The following OLA1 variants were observed in gnomAD, a reference collection of about 807,000 sequenced individuals.
OLA1 encodes obg-like ATPase 1.
A neutral mutation model predicts 48.4 loss-of-function variants in OLA1; 14 were observed. The ratio of observed to expected loss-of-function variants is 0.29; its 90% CI spans 0.19 to 0.45. OLA1 has a LOEUF of 0.45. Ranked by LOEUF, OLA1 falls within the 20% of genes least tolerant of loss-of-function variation. The pLI, the probability that OLA1 is intolerant of heterozygous loss-of-function variation, is 1.00. For missense variants in OLA1, 325 were observed against 467.1 expected (o/e 0.70, Z 2.80); for synonymous variants, 127 against 150.4 (o/e 0.84, Z 1.14).
intron 2 of OLA1, among the ~76,000 whole-genome samples, chr2:174,232,000 T>A (rs1688738690): frequency 6.6e-6 from 1 of 152,132 alleles, no homozygotes; most frequent in Non-Finnish European, 1.5e-5. Context: ...CCCTTGAGGT[T>A]AATATTAAAG....
At chr2:174,187,541 G>A (rs1687682416) in intron 4 of OLA1, among the ~76,000 whole-genome samples, 1 of 152,172 alleles carries the variant, frequency 6.6e-6, no homozygotes, top group East Asian at 1.9e-4. Flanking sequence ...TGTACCAGCA[G>A]CTCATGCTCA....
At chr2:174,104,524 G>A (rs1437351848) in intron 7 of OLA1, among the ~76,000 whole-genome samples, 1 of 151,990 alleles carries the variant, frequency 6.6e-6, no homozygotes, top group South Asian at 2.1e-4. Flanking sequence ...CTTGACAAAC[G>A]ATAAGCTATG....
intron 4 of OLA1, among the ~76,000 whole-genome samples, chr2:174,209,655 T>C (rs1189907346): frequency 6.6e-6 from 1 of 152,142 alleles, no homozygotes; most frequent in African/African-American, 2.4e-5. Context: ...GGTAGCTGCA[T>C]ACAGTAGAAA....
At chr2:174,218,988 ATTTT>A (rs760419464) in intron 4 of OLA1, among the ~76,000 whole-genome samples, 1 of 86,446 alleles carries the variant, frequency 1.2e-5, no homozygotes, top group Non-Finnish European at 2.2e-5. Context: ...AGGCCGGCTA[ATTTT>A]TTTTTTTTTT....
At chr2:174,135,307 A>T (rs1686284721) in intron 5 of OLA1, among the ~76,000 whole-genome samples, 1 of 152,140 alleles carries the variant, frequency 6.6e-6, no homozygotes, top group South Asian at 2.1e-4. Flanking sequence ...AGCCAGGCAA[A>T]CCCAAATCAC....
intron 4 of OLA1, among the ~76,000 whole-genome samples, chr2:174,166,269 T>C (rs1323168953): frequency 6.6e-6 from 1 of 152,158 alleles, no homozygotes; most frequent in African/African-American, 2.4e-5. Flanking sequence ...CCAAAGTATT[T>C]ACAAGTGGGA....
intron 2 of OLA1, among the ~76,000 whole-genome samples, chr2:174,231,320 C>CA (rs1688724314): frequency 6.6e-6 from 1 of 152,114 alleles, no homozygotes; most frequent in Non-Finnish European, 1.5e-5. Flanking sequence ...GTACTTAAGA[C>CA]AAAATTTAAA....
At chr2:174,130,823 A>T (rs537186143) in intron 5 of OLA1, among the ~76,000 whole-genome samples, 2 of 152,180 alleles carry the variant, frequency 1.3e-5, no homozygotes, top group African/African-American at 2.4e-5. Context: ...GCAAAAAGAT[A>T]AGAGCATCTA....
chr2:174,158,694 T>C (rs1686944920), intron 4 of OLA1, among the ~76,000 whole-genome samples: 6 of 152,142 alleles, frequency 3.9e-5, no homozygotes, highest in Non-Finnish European at 1.5e-5. Flanking sequence ...CTGCAAAAAG[T>C]TCAGTGATCC....
chr2:174,163,745 T>C (rs1287182733), intron 4 of OLA1, among the ~76,000 whole-genome samples: 1 of 44,664 alleles, frequency 2.2e-5, no homozygotes, highest in Admixed American at 2.3e-4. Flanking sequence ...TATATATATA[T>C]ATATATATAT....
intron 4 of OLA1, among the ~76,000 whole-genome samples, chr2:174,145,320 C>T (rs1194758291): frequency 6.6e-6 from 1 of 151,988 alleles, no homozygotes; most frequent in African/African-American, 2.4e-5. Context: ...TTAAAATAAA[C>T]AGAGTTTCTA....
chr2:174,087,877 T>A (rs1488450170), intron 7 of OLA1, among the ~76,000 whole-genome samples: 1 of 152,238 alleles, frequency 6.6e-6, no homozygotes, highest in Non-Finnish European at 1.5e-5. Flanking sequence ...ATTTATGGCA[T>A]CTTTGTTGAT....
chr2:174,160,320 C>T (rs149984957), intron 4 of OLA1, among the ~76,000 whole-genome samples: 15 of 152,136 alleles, frequency 9.9e-5, no homozygotes, highest in African/African-American at 2.4e-4. Context: ...ATGTCTGATA[C>T]GGTTATTCAA....
chr2:174,141,709 C>G, intron 5 of OLA1, 116 bp downstream of exon 5: 1 of 836,452 alleles, frequency 1.2e-6, no homozygotes, highest in Admixed American at 3.1e-5. Flanking sequence ...ACAGAAATAA[C>G]CCTTGGCTTC....
intron 4 of OLA1, among the ~76,000 whole-genome samples, chr2:174,205,385 A>C (rs1214246589): frequency 6.6e-6 from 1 of 152,126 alleles, no homozygotes; most frequent in East Asian, 1.9e-4. Context: ...TTGAACATTG[A>C]GTTAATTGGA....
At chr2:174,114,641 A>G (rs1685739501) in intron 7 of OLA1, among the ~76,000 whole-genome samples, 1 of 152,194 alleles carries the variant, frequency 6.6e-6, no homozygotes, top group African/African-American at 2.4e-5. Context: ...CATTCTTTTA[A>G]AAGAATCTCT....
Position 174,207,036 on chromosome 2 carries a change from G to A in OLA1, c.373+15997C>T, listed in dbSNP as rs748859553. Among the ~76,000 whole-genome samples, 6 of 152,106 alleles carry A rather than the reference G, an allele frequency of 3.9e-5. No homozygotes were observed. In the South Asian group the frequency reaches 8.3e-4, roughly 21 times the overall value. The stretch of plus-strand genomic sequence containing the variant: ...AACTTTTAAATGATGTGCTTATGGC[G>A]GAGGAAGGTGGGCTCTTGAAAACAG... On this transcript the variant is annotated intron_variant, in intron 4 of 10. Coordinates refer to ENST00000284719, the MANE Select transcript of OLA1 (RefSeq NM_013341.5).
chr2:174,161,259 AC>A (rs1380788630), intron 4 of OLA1, among the ~76,000 whole-genome samples: 3 of 152,220 alleles, frequency 2.0e-5, no homozygotes, highest in Non-Finnish European at 4.4e-5. Flanking sequence ...AGTTATAGTA[AC>A]AAAAGCAAAC....
intron 4 of OLA1, among the ~76,000 whole-genome samples, chr2:174,164,213 C>A (rs1377134147): frequency 6.6e-6 from 1 of 151,918 alleles, no homozygotes; most frequent in African/African-American, 2.4e-5. Context: ...TATAAATTAC[C>A]CAGTCTCGGG....
Sources: gnomAD v4.1 joint callset for allele counts (sites outside exome capture counted in the v4.1 genomes callset) on GRCh38, gnomAD v4.1.1 for gene constraint, MANE v1.5 for transcripts, NCBI Gene and HGNC (gene_info 2026-07-23, HGNC 2026-07-21) for gene names.